Variants in PEX7 observed in about 807,000 individuals in gnomAD.
PEX7 encodes the protein PTS2 receptor.
PEX7 carries 34 observed loss-of-function variants against 47.5 expected under a neutral mutation model. That is an observed-to-expected ratio of 0.72 (90% CI 0.54 to 0.95). The LOEUF is 0.95. PEX7 is among the 40% of genes least tolerant of loss of function. The probability of loss-of-function intolerance (pLI) is 0.00; values close to 1 mark genes in which losing one functional copy is unlikely to be tolerated. For missense variants in PEX7, 394 were observed against 400.3 expected (o/e 0.98, Z 0.13); for synonymous variants, 141 against 148.8 (o/e 0.95, Z 0.38).
At chr6:136,875,362 A>T (rs13209464) in intron 8 of PEX7, among the ~76,000 whole-genome samples, 1,931 of 152,196 alleles carry the variant, frequency 0.013, 23 homozygotes, top group Non-Finnish European at 0.019. Context: ...TTTCATTATC[A>T]TTTTAAAACA....
intron 8 of PEX7, among the ~76,000 whole-genome samples, chr6:136,883,427 C>T (rs1281550532): frequency 6.6e-6 from 1 of 152,156 alleles, no homozygotes; most frequent in African/African-American, 2.4e-5. Flanking sequence ...ATTTGTCATG[C>T]TGAACCTTTT....
At chr6:136,865,426 G>T (rs1775045255) in intron 5 of PEX7, among the ~76,000 whole-genome samples, 1 of 152,130 alleles carries the variant, frequency 6.6e-6, no homozygotes, top group Admixed American at 6.6e-5. Context: ...AGCTTCCCCA[G>T]TAGCTGGGAT....
chr6:136,905,398 T>C (rs1346899511), intron 9 of PEX7, among the ~76,000 whole-genome samples: 4 of 152,238 alleles, frequency 2.6e-5, no homozygotes, highest in Non-Finnish European at 4.4e-5. Context: ...ATTAAATATC[T>C]AGAATTAGTA....
Position 136,825,214 on chromosome 6 carries a change from G to A in PEX7, c.131G>A (p.Gly44Asp). The A allele has an allele frequency of 6.2e-7, 1 of 1,613,468 alleles. No individual in the cohort carries two copies. Among genetic ancestry groups the A allele is most frequent in the Non-Finnish European group, 8.5e-7 (1 of 1,179,534 alleles). Reference protein sequence around the residue: ...CATAQHYGIAGCGTLLILDPD... With the variant: ...CATAQHYGIADCGTLLILDPD... ...TGACCTTGATTTTTTTTCTCTTTAG[G>A]CTGTGGAACCCTACTAATATTGGAT... Residue 44 changes from glycine to aspartate, a missense_variant and splice_region_variant, in exon 2 of 10, where the codon GGC (glycine) becomes GAC (aspartate). Coordinates refer to ENST00000318471, the MANE Select transcript of PEX7 (RefSeq NM_000288.4).
chr6:136,879,401 C>G (rs539591218), intron 8 of PEX7, among the ~76,000 whole-genome samples: 1 of 152,180 alleles, frequency 6.6e-6, no homozygotes, highest in African/African-American at 2.4e-5. Flanking sequence ...AATATAAACT[C>G]CTTGATTTAC....
chr6:136,910,600 G>GCT (rs918466477), intron 9 of PEX7, among the ~76,000 whole-genome samples: 112 of 152,282 alleles, frequency 7.4e-4, no homozygotes, highest in African/African-American at 2.6e-3. Flanking sequence ...AGTCTATAAT[G>GCT]CTCTCTGTAG....
At chr6:136,855,862 T>C (rs1774851844) in intron 5 of PEX7, 1 of 226,730 alleles carries the variant, frequency 4.4e-6, no homozygotes, top group Non-Finnish European at 8.7e-6. Context: ...GTTCTCTTTA[T>C]GCGTATGACC....
At chr6:136,837,465 A>T (rs1031420772) in intron 3 of PEX7, among the ~76,000 whole-genome samples, 5 of 151,878 alleles carry the variant, frequency 3.3e-5, no homozygotes, top group Non-Finnish European at 7.4e-5. Context: ...AGTTATATAA[A>T]CTTGTGATTT....
At chr6:136,892,313 C>G (rs1030157899) in intron 8 of PEX7, among the ~76,000 whole-genome samples, 3 of 152,152 alleles carry the variant, frequency 2.0e-5, no homozygotes, top group African/African-American at 7.2e-5. Context: ...CCTATTTGAA[C>G]TTTCAGGGTG....
intron 5 of PEX7, among the ~76,000 whole-genome samples, chr6:136,846,846 G>T (rs1242737897): frequency 6.6e-6 from 1 of 152,160 alleles, no homozygotes; most frequent in Non-Finnish European, 1.5e-5. Context: ...TAATCTTTGG[G>T]TATATATCCA....
intron 5 of PEX7, among the ~76,000 whole-genome samples, chr6:136,861,779 C>A (rs1188728056): frequency 6.6e-6 from 1 of 151,142 alleles, no homozygotes; most frequent in Admixed American, 6.6e-5. Context: ...CTCATCTGGA[C>A]TTTTCTCTAC....
In PEX7 at chr6:136,857,568, T is replaced by C. The variant is rs145208512; in HGVS notation, c.527-9059T>C. 2.0e-3 allele frequency among the ~76,000 whole-genome samples: 299 copies of C among 152,268 alleles called. 3 individuals carry two copies. Among genetic ancestry groups the C allele is most frequent in the African/African-American group, 6.5e-3 (269 of 41,550 alleles). On this transcript the variant is annotated intron_variant, in intron 5 of 9. Transcript: ENST00000318471. ...TAGTGATGAAGACTGTGAAGTTCTT[T>C]AAGGAGAGGTAATATAGCACAGTGG...
At chr6:136,901,992 C>T (rs915429201) in intron 9 of PEX7, among the ~76,000 whole-genome samples, 1 of 152,168 alleles carries the variant, frequency 6.6e-6, no homozygotes, top group African/African-American at 2.4e-5. Context: ...TCTATGTTGG[C>T]CAGGCTGGTC....
intron 5 of PEX7, among the ~76,000 whole-genome samples, chr6:136,848,591 G>C (rs1317912554): frequency 1.3e-5 from 2 of 152,186 alleles, no homozygotes; most frequent in African/African-American, 2.4e-5. Flanking sequence ...GGCCTTTTCT[G>C]CATCTGTTGA....
At chr6:136,904,981 A>G (rs1262022870) in intron 9 of PEX7, among the ~76,000 whole-genome samples, 1 of 152,094 alleles carries the variant, frequency 6.6e-6, no homozygotes, top group African/African-American at 2.4e-5. Flanking sequence ...AAAAAACTTC[A>G]TTTGGGCTCT....
At chr6:136,862,556 T>G (rs2115207285) in intron 5 of PEX7, among the ~76,000 whole-genome samples, 1 of 152,164 alleles carries the variant, frequency 6.6e-6, no homozygotes, top group Non-Finnish European at 1.5e-5. Context: ...TTAAATTTTT[T>G]GTAGAGCTGG....
At chr6:136,836,175 A>G (rs1774380996) in intron 3 of PEX7, among the ~76,000 whole-genome samples, 1 of 152,334 alleles carries the variant, frequency 6.6e-6, no homozygotes, top group East Asian at 1.9e-4. Flanking sequence ...CTGCAAGCTA[A>G]TATGAGGTGA....
intron 5 of PEX7, 36 bp downstream of exon 5, chr6:136,846,217 T>A: frequency 1.5e-6 from 2 of 1,322,718 alleles, no homozygotes; most frequent in Non-Finnish European, 2.2e-6. Context: ...GCCTTACTTG[T>A]AGTGAATGGT....
chr6:136,902,395 GAGAAATGAGGTCA>G (rs1215828794), intron 9 of PEX7, among the ~76,000 whole-genome samples: 5 of 152,252 alleles, frequency 3.3e-5, no homozygotes, highest in Admixed American at 6.5e-5. Context: ...TTAGAGATCT[GAGAAATGAGGTCA>G]AGGGCATTCA....
Sources: allele counts gnomAD v4.1 joint callset (sites outside exome capture counted in the v4.1 genomes callset), GRCh38; gene constraint gnomAD v4.1.1; transcripts MANE v1.5; gene names NCBI Gene and HGNC (gene_info 2026-07-23, HGNC 2026-07-21).